The following BICC1 variants were observed in gnomAD, a reference collection of about 807,000 sequenced individuals.
BICC1 encodes protein bicaudal C homolog 1.
BICC1 carries 43 observed loss-of-function variants against 111.0 expected under a neutral mutation model. The observed-to-expected ratio is 0.39, with a 90% CI of 0.30 to 0.50. The LOEUF is 0.50. Ranked by LOEUF, BICC1 falls within the 20% of genes least tolerant of loss-of-function variation. The pLI is 0.88. For synonymous variants in BICC1, 467 were observed against 434.4 expected, an observed-to-expected ratio of 1.07 and a Z score of -0.93; for missense variants, 1,091 against 1,203.2, an observed-to-expected ratio of 0.91 and a Z score of 1.38.
At chr10:58,557,176 TGCTTTTAA>T (rs1406658906) in intron 1 of BICC1, among the ~76,000 whole-genome samples, 2 of 152,126 alleles carry the variant, frequency 1.3e-5, no homozygotes, top group African/African-American at 4.8e-5. Context: ...GTTTTAAAAT[TGCTTTTAA>T]GATGTTCTAC....
chr10:58,739,706 T>G (rs1364275034), intron 3 of BICC1, among the ~76,000 whole-genome samples: 53 of 152,144 alleles, frequency 3.5e-4, no homozygotes, highest in Non-Finnish European at 5.9e-5. Flanking sequence ...TTTGTCAAAT[T>G]AAAAATCAAA....
At chr10:58,751,283 C>A (rs553156477) in intron 3 of BICC1, among the ~76,000 whole-genome samples, 2 of 152,230 alleles carry the variant, frequency 1.3e-5, no homozygotes, top group East Asian at 3.9e-4. Flanking sequence ...TAAAGTGATT[C>A]TAATATAAAT....
rs370502004 is a variant in BICC1 at position 58,613,188 on chromosome 10, G to C, written c.191-7667G>C. The stretch of plus-strand genomic sequence containing the variant: ...AGTAGTATTGAAGTAATTTATTCCC[G>C]GAGTTGTGTGTCATGAAAATAAAGA... On this transcript the variant is annotated intron_variant, in intron 1 of 20. Transcript: ENST00000373886. 2.4e-4 allele frequency among the ~76,000 whole-genome samples: 36 copies of C among 152,274 alleles called. 1 individual carries two copies. The South Asian group carries it at 7.5e-3, about 32-fold the overall frequency.
chr10:58,780,522 C>A (rs912471401), intron 3 of BICC1, among the ~76,000 whole-genome samples: 1 of 152,106 alleles, frequency 6.6e-6, no homozygotes, highest in Non-Finnish European at 1.5e-5. Flanking sequence ...CTAAATTCAT[C>A]ATGTGTCTAT....
chr10:58,663,200 G>A (rs2132296358), intron 2 of BICC1, among the ~76,000 whole-genome samples: 1 of 151,600 alleles, frequency 6.6e-6, no homozygotes, highest in Admixed American at 6.6e-5. Flanking sequence ...CTGAGTAGCT[G>A]GGACTTCATG....
At chr10:58,786,863 T>C in intron 4 of BICC1, 60 bp from the exon 5 acceptor site, 1 of 1,314,848 alleles carries the variant, frequency 7.6e-7, no homozygotes, top group Non-Finnish European at 1.0e-6. Context: ...GGGAAAGACA[T>C]TTAGGAGGTC....
intron 1 of BICC1, among the ~76,000 whole-genome samples, chr10:58,588,985 G>C (rs570715623): frequency 2.6e-5 from 4 of 152,114 alleles, no homozygotes; most frequent in Non-Finnish European, 5.9e-5. Flanking sequence ...TAAAAGGAGG[G>C]TGAGTTGGTC....
intron 3 of BICC1, among the ~76,000 whole-genome samples, chr10:58,773,706 A>G (rs1325071305): frequency 6.6e-6 from 1 of 152,234 alleles, no homozygotes; most frequent in Non-Finnish European, 1.5e-5. Context: ...GCAGGGGCAA[A>G]TGGCGCATAA....
At chr10:58,611,269 A>G (rs1253325028) in intron 1 of BICC1, among the ~76,000 whole-genome samples, 1 of 152,256 alleles carries the variant, frequency 6.6e-6, no homozygotes, top group Non-Finnish European at 1.5e-5. Context: ...ATACAAAGAA[A>G]AAATGATAAA....
intron 2 of BICC1, among the ~76,000 whole-genome samples, chr10:58,636,178 T>G (rs553145862): frequency 6.6e-6 from 1 of 152,286 alleles, no homozygotes; most frequent in African/African-American, 2.4e-5. Context: ...GATTTCCTAG[T>G]TTAGCAAGTG....
intron 2 of BICC1, among the ~76,000 whole-genome samples, chr10:58,700,541 C>G (rs749263185): frequency 2.0e-5 from 3 of 152,298 alleles, no homozygotes; most frequent in Middle Eastern, 6.8e-3. Flanking sequence ...GTAACGAGCT[C>G]ACCTGCCTTC....
Position 58,607,071 on chromosome 10 carries a change from C to A in BICC1, c.191-13784C>A, listed in dbSNP as rs374753578. Among the ~76,000 whole-genome samples, 168 of 152,170 alleles carry A rather than the reference C, an allele frequency of 1.1e-3. 1 individual carries two copies. The highest frequency in any genetic ancestry group is 9.9e-3 in the Admixed American group (152 of 15,286). On this transcript the variant is annotated intron_variant, in intron 1 of 20. Coordinates refer to ENST00000373886, the MANE Select transcript of BICC1 (RefSeq NM_001080512.3). Reference sequence around the variant, plus strand: ...GTGTCTCACGCCTGTAATTCCAGCACTTTGGGAGGCCGAGGTGGGTGGATC... The same window carrying A: ...GTGTCTCACGCCTGTAATTCCAGCAATTTGGGAGGCCGAGGTGGGTGGATC...
chr10:58,731,334 A>G (rs1841288106), intron 3 of BICC1, among the ~76,000 whole-genome samples: 2 of 152,124 alleles, frequency 1.3e-5, no homozygotes, highest in South Asian at 2.1e-4. Flanking sequence ...CAACCACTCA[A>G]TAAGTCTCTA....
At position 58,591,151 on chromosome 10, in the gene BICC1, G is replaced by A. The variant is rs995770814; in HGVS notation, c.191-29704G>A. 2.6e-5 allele frequency among the ~76,000 whole-genome samples: 4 copies of A among 152,018 alleles called. No homozygotes were observed. The East Asian group carries it at 5.8e-4, about 22-fold the overall frequency. On this transcript the variant is annotated intron_variant, in intron 1 of 20. Transcript: ENST00000373886. ...AGGTGCCACATACATGTTTGCTAAC[G>A]TTGCTTTAGATGCTGTTGAGTCATA...
rs181107556 is a variant in BICC1 at position 58,797,711 on chromosome 10, T to C, written c.1367-688T>C. Among the ~76,000 whole-genome samples the C allele has an allele frequency of 2.3e-3, 353 of 152,348 alleles. 1 individual carries two copies. Among genetic ancestry groups the C allele is most frequent in the African/African-American group, 7.9e-3 (330 of 41,580 alleles). ...ATACTTTATGCTTTATATGTATTCC[T>C]GGAAACTTGTATACAAATCCACATT... On this transcript the variant is annotated intron_variant, in intron 10 of 20. Transcript: ENST00000373886.
intron 2 of BICC1, among the ~76,000 whole-genome samples, chr10:58,693,038 G>A (rs1839958947): frequency 1.3e-5 from 2 of 152,026 alleles, no homozygotes; most frequent in Non-Finnish European, 2.9e-5. Flanking sequence ...CATTCCCGAA[G>A]TGTGATGTTC....
chr10:58,638,167 G>C (rs1442195182), intron 2 of BICC1, among the ~76,000 whole-genome samples: 1 of 152,042 alleles, frequency 6.6e-6, no homozygotes, highest in African/African-American at 2.4e-5. Flanking sequence ...TAACAGAGCA[G>C]GGCTGGAAAT....
intron 2 of BICC1, among the ~76,000 whole-genome samples, chr10:58,683,385 T>C (rs1274685019): frequency 6.6e-6 from 1 of 152,218 alleles, no homozygotes; most frequent in Non-Finnish European, 1.5e-5. Flanking sequence ...TGGATCCATA[T>C]GAACTTTAAA....
At chr10:58,826,523 G>A (rs963876338) in intron 20 of BICC1, among the ~76,000 whole-genome samples, 2 of 147,280 alleles carry the variant, frequency 1.4e-5, no homozygotes, top group African/African-American at 2.5e-5. Context: ...AGGCCAAGGC[G>A]GGTGGATCAC....
Sources: allele counts gnomAD v4.1 joint callset (sites outside exome capture counted in the v4.1 genomes callset), GRCh38; gene constraint gnomAD v4.1.1; transcripts MANE v1.5; gene names NCBI Gene and HGNC (gene_info 2026-07-23, HGNC 2026-07-21).